Variants in SYTL3 observed in about 807,000 individuals in gnomAD.
SYTL3 encodes the protein synaptotagmin-like protein 3.
SYTL3 carries 88 observed loss-of-function variants against 82.1 expected under a neutral mutation model. That is an observed-to-expected ratio of 1.07 (90% CI 0.90 to 1.28). The LOEUF (loss-of-function observed/expected upper bound fraction) is 1.28, where lower values mean the gene tolerates loss of function less well. SYTL3 is among the 50% of genes most tolerant of loss of function. The pLI is 0.00. For synonymous variants in SYTL3, 311 were observed against 289.4 expected (o/e 1.07, Z -0.76); for missense variants, 831 against 757.6 (o/e 1.10, Z -1.14).
Position 158,732,330 on chromosome 6 carries a change from A to G in SYTL3, c.855+6693A>G, listed in dbSNP as rs187175163. Among the ~76,000 whole-genome samples, 100 of 152,350 alleles carry G rather than the reference A, an allele frequency of 6.6e-4. 2 individuals carry two copies. The highest frequency in any genetic ancestry group is 1.7e-3 in the South Asian group (8 of 4,828). On this transcript the variant is annotated intron_variant, in intron 11 of 17. Transcript: ENST00000611299. ...TGAAGTCTCTATAGTAAAGGTGAAA[A>G]ACCTAAGGCAAACGATAGCAATGAA...
chr6:158,705,076 G>C (rs1366060760), intron 6 of SYTL3, among the ~76,000 whole-genome samples: 1 of 68,794 alleles, frequency 1.5e-5, no homozygotes, highest in Non-Finnish European at 2.6e-5. Flanking sequence ...CAGGGTGACA[G>C]TGAGGGCTAT....
At chr6:158,754,915 T>A (rs926171585) in intron 13 of SYTL3, among the ~76,000 whole-genome samples, 2 of 152,206 alleles carry the variant, frequency 1.3e-5, no homozygotes, top group Admixed American at 6.5e-5. Context: ...AGTAACCGCT[T>A]CATTTCTCAG....
intron 10 of SYTL3, among the ~76,000 whole-genome samples, chr6:158,719,811 C>T (rs150481046): frequency 3.0e-4 from 46 of 152,288 alleles, no homozygotes; most frequent in African/African-American, 1.0e-3. Context: ...AAAGATCGGC[C>T]GAGCCTGGTG....
intron 6 of SYTL3, among the ~76,000 whole-genome samples, chr6:158,683,521 G>A (rs1482977046): frequency 6.6e-6 from 1 of 152,162 alleles, no homozygotes; most frequent in Non-Finnish European, 1.5e-5. Context: ...GCCCGGCCAG[G>A]TTGGCCCCAT....
intron 6 of SYTL3, among the ~76,000 whole-genome samples, chr6:158,687,360 C>T (rs1052848078): frequency 1.3e-5 from 2 of 152,182 alleles, no homozygotes; most frequent in African/African-American, 4.8e-5. Flanking sequence ...TGGCTTCTCC[C>T]AGGGCAAGTG....
At chr6:158,701,895 G>T (rs558759871) in intron 6 of SYTL3, among the ~76,000 whole-genome samples, 8 of 152,116 alleles carry the variant, frequency 5.3e-5, no homozygotes, top group Non-Finnish European at 1.0e-4. Context: ...AATTACCCCA[G>T]TCTCTGCCCT....
At chr6:158,704,055 G>A (rs1781656306) in intron 6 of SYTL3, among the ~76,000 whole-genome samples, 4 of 151,786 alleles carry the variant, frequency 2.6e-5, no homozygotes, top group Non-Finnish European at 4.4e-5. Flanking sequence ...TCGAACTTCT[G>A]GCCTCAAGTG....
chr6:158,703,153 T>TAAA (rs71297001), intron 6 of SYTL3, among the ~76,000 whole-genome samples: 8 of 94,886 alleles, frequency 8.4e-5, no homozygotes, highest in Non-Finnish European at 1.7e-4. Flanking sequence ...GACTCTGTCT[T>TAAA]AAAAAAAAAA....
At chr6:158,749,532 T>TTTTA (rs1554264374) in intron 12 of SYTL3, among the ~76,000 whole-genome samples, 2 of 131,986 alleles carry the variant, frequency 1.5e-5, no homozygotes, top group African/African-American at 6.1e-5. Context: ...TTTTTTTTTT[T>TTTTA]AAGAAATGAG....
intron 6 of SYTL3, among the ~76,000 whole-genome samples, chr6:158,703,828 T>C (rs1297520521): frequency 2.0e-5 from 3 of 147,464 alleles, no homozygotes; most frequent in African/African-American, 7.5e-5. Flanking sequence ...TTATCATTAT[T>C]ATTATTATTA....
chr6:158,763,594 C>A (rs2077527114), intron 17 of SYTL3, 85 bp downstream of exon 17: 4 of 1,228,712 alleles, frequency 3.3e-6, no homozygotes, highest in Non-Finnish European at 4.8e-6. Context: ...TCCACCAGGG[C>A]AGTGACTTAA....
intron 7 of SYTL3, 28 bp downstream of exon 7, chr6:158,707,309 C>T (rs1268684256): frequency 6.8e-6 from 11 of 1,612,134 alleles, no homozygotes; most frequent in Non-Finnish European, 9.3e-6. Context: ...CAGACCGTCC[C>T]TGGCCCTCCG....
chr6:158,690,310 G>T (rs559261819), intron 6 of SYTL3, among the ~76,000 whole-genome samples: 1 of 152,360 alleles, frequency 6.6e-6, no homozygotes, highest in South Asian at 2.1e-4. Flanking sequence ...AGTGTCCATT[G>T]TCAGTGCCCA....
At chr6:158,691,105 G>A (rs1182112080) in intron 6 of SYTL3, among the ~76,000 whole-genome samples, 7 of 152,294 alleles carry the variant, frequency 4.6e-5, no homozygotes, top group African/African-American at 1.7e-4. Context: ...CCAGCACTTT[G>A]GGAGGATGAG....
chr6:158,686,168 T>C (rs1779273203), intron 6 of SYTL3, among the ~76,000 whole-genome samples: 1 of 152,158 alleles, frequency 6.6e-6, no homozygotes, highest in African/African-American at 2.4e-5. Context: ...TGACTTAAGA[T>C]AAAAAGGGAA....
rs147079962 is a variant in SYTL3 at position 158,755,212 on chromosome 6, G to A, written c.1138-1999G>A. Among the ~76,000 whole-genome samples the A allele has an allele frequency of 7.5e-3, 1,144 of 152,226 alleles. 16 individuals are homozygous for A. Among genetic ancestry groups the A allele is most frequent in the South Asian group, 0.053 (253 of 4,814 alleles). On this transcript the variant is annotated intron_variant, in intron 13 of 17. Coordinates refer to ENST00000611299, the MANE Select transcript of SYTL3 (RefSeq NM_001242394.2). Reference sequence around the variant, plus strand: ...TAAAAGATTAGCCGGGCATGGCGACGCCTACCTGTAGTCCCAACTACTTGG... The same window carrying A: ...TAAAAGATTAGCCGGGCATGGCGACACCTACCTGTAGTCCCAACTACTTGG...
At chr6:158,657,425 CAAAAAAA>C (rs535361947) in intron 2 of SYTL3, among the ~76,000 whole-genome samples, 2 of 80,114 alleles carry the variant, frequency 2.5e-5, no homozygotes, top group Non-Finnish European at 4.8e-5. Context: ...GACTCTGGCT[CAAAAAAA>C]AAAAAAAAAA....
chr6:158,672,819 A>G (rs1388165105), intron 5 of SYTL3, among the ~76,000 whole-genome samples: 1 of 151,668 alleles, frequency 6.6e-6, no homozygotes, highest in Non-Finnish European at 1.5e-5. Context: ...TTTTTTGTAG[A>G]GATAGGGGTT....
At position 158,711,700 on chromosome 6, in the gene SYTL3, AT is replaced by A. The variant is rs573888921; in HGVS notation, c.517-2095del. Among the ~76,000 whole-genome samples the A allele has an allele frequency of 5.0e-4, 76 of 152,328 alleles. No homozygotes were observed. In the East Asian group the frequency reaches 0.013, roughly 26 times the overall value. On this transcript the variant is annotated intron_variant, in intron 8 of 17. Transcript: ENST00000611299. ...CAGCCCTGAGGGCTGCTGGTTGCCC[AT>A]TTTTATGGCTATTTCTCAATGATAT...
Sources: gnomAD v4.1 joint callset for allele counts (sites outside exome capture counted in the v4.1 genomes callset) on GRCh38, gnomAD v4.1.1 for gene constraint, MANE v1.5 for transcripts, NCBI Gene and HGNC (gene_info 2026-07-23, HGNC 2026-07-21) for gene names.